Variants in KCNH1 observed in about 807,000 individuals in gnomAD.
The protein encoded by KCNH1 is potassium voltage-gated channel subfamily H member 1, also known as voltage-gated delayed rectifier potassium channel KCNH1.
Under a neutral mutation model 69.2 loss-of-function variants are expected in KCNH1, and 27 were observed. That is an observed-to-expected ratio of 0.39 (90% CI 0.29 to 0.54). The LOEUF is 0.54. KCNH1 is among the 20% of genes least tolerant of loss of function. The pLI is 0.68. For missense variants in KCNH1, 798 were observed against 1,261.6 expected (o/e 0.63, Z 5.57); for synonymous variants, 456 against 487.7 (o/e 0.93, Z 0.86).
intron 6 of KCNH1, among the ~76,000 whole-genome samples, chr1:211,011,766 C>T (rs1439264284): frequency 2.6e-5 from 4 of 152,204 alleles, no homozygotes; most frequent in South Asian, 2.1e-4. Context: ...GACTCCGGTG[C>T]GTGTGCAAGG....
chr1:210,824,159 AC>A (rs10578375), intron 7 of KCNH1, among the ~76,000 whole-genome samples: 1 of 151,366 alleles, frequency 6.6e-6, no homozygotes, highest in Non-Finnish European at 1.5e-5. Flanking sequence ...AGTAAATGTG[AC>A]CCCCCCTTAA....
chr1:211,065,621 T>C lies in KCNH1; in HGVS notation c.558+17159A>G, dbSNP rs112870821. On this transcript the variant is annotated intron_variant, in intron 5 of 10. Transcript: ENST00000271751. The stretch of plus-strand genomic sequence containing the variant: ...TTGTATCCTTAAAAATTGCTGAGAG[T>C]AGATTTTAAATGTTCTCCCCACACA... 5.0e-3 allele frequency among the ~76,000 whole-genome samples: 765 copies of C among 152,114 alleles called. 8 individuals carry two copies. The highest frequency in any genetic ancestry group is 0.018 in the African/African-American group (731 of 41,478).
chr1:211,010,399 A>T (rs1689372237), intron 6 of KCNH1, among the ~76,000 whole-genome samples: 1 of 152,180 alleles, frequency 6.6e-6, no homozygotes, highest in African/African-American at 2.4e-5. Flanking sequence ...ATGGAAGTCC[A>T]TGATGGCTTC....
At chr1:210,823,875 T>C (rs1574278298) in intron 7 of KCNH1, among the ~76,000 whole-genome samples, 1 of 152,216 alleles carries the variant, frequency 6.6e-6, no homozygotes, top group East Asian at 1.9e-4. Context: ...TTTTCACACC[T>C]CTCCCCTGTC....
intron 10 of KCNH1, among the ~76,000 whole-genome samples, chr1:210,730,161 C>T (rs1317480954): frequency 6.6e-6 from 1 of 152,160 alleles, no homozygotes; most frequent in African/African-American, 2.4e-5. Context: ...AGGACAGTGC[C>T]TGGCCCACAG....
At chr1:211,060,672 A>G (rs564959986) in intron 5 of KCNH1, among the ~76,000 whole-genome samples, 1 of 152,232 alleles carries the variant, frequency 6.6e-6, no homozygotes, top group South Asian at 2.1e-4. Flanking sequence ...ATTAGAAGCT[A>G]CTATGAGCAA....
intron 10 of KCNH1, among the ~76,000 whole-genome samples, chr1:210,739,564 G>A (rs1682967384): frequency 6.6e-6 from 1 of 152,202 alleles, no homozygotes; most frequent in Non-Finnish European, 1.5e-5. Flanking sequence ...CTGCTGGGCT[G>A]GTGCTGCAGT....
At chr1:211,092,065 T>C (rs1691062284) in intron 3 of KCNH1, among the ~76,000 whole-genome samples, 1 of 152,200 alleles carries the variant, frequency 6.6e-6, no homozygotes, top group African/African-American at 2.4e-5. Context: ...TTTATAACCA[T>C]TTGCAAATCA....
At chr1:210,748,952 G>C (rs188685924) in intron 10 of KCNH1, among the ~76,000 whole-genome samples, 232 of 152,278 alleles carry the variant, frequency 1.5e-3, no homozygotes, top group African/African-American at 4.7e-3. Flanking sequence ...CCTTCTGGCT[G>C]TTTCCTGTTC....
intron 7 of KCNH1, among the ~76,000 whole-genome samples, chr1:210,857,197 C>T (rs1299816326): frequency 1.3e-5 from 2 of 151,612 alleles, no homozygotes; most frequent in South Asian, 2.1e-4. Flanking sequence ...TTCACACCAG[C>T]GACTACACGT....
intron 7 of KCNH1, among the ~76,000 whole-genome samples, chr1:210,867,362 C>CACACATATAT (rs1491359165): frequency 1.6e-4 from 11 of 67,270 alleles, no homozygotes; most frequent in African/African-American, 3.8e-4. Context: ...CACACACACA[C>CACACATATAT]ATATATATAT....
At chr1:211,025,295 C>A (rs1689664445) in intron 5 of KCNH1, among the ~76,000 whole-genome samples, 1 of 152,154 alleles carries the variant, frequency 6.6e-6, no homozygotes, top group South Asian at 2.1e-4. Flanking sequence ...TAGCTGAATA[C>A]CCCTGTTTCC....
At chr1:210,691,984 T>A (rs1681537355) in intron 10 of KCNH1, among the ~76,000 whole-genome samples, 1 of 152,228 alleles carries the variant, frequency 6.6e-6, no homozygotes, top group African/African-American at 2.4e-5. Context: ...AATGCACAGA[T>A]GTCCCAGTGG....
chr1:211,095,065 C>T (rs1364219299), intron 3 of KCNH1, among the ~76,000 whole-genome samples: 1 of 152,146 alleles, frequency 6.6e-6, no homozygotes, highest in African/African-American at 2.4e-5. Flanking sequence ...GAGCTTGGGG[C>T]AAGTAGCCTA....
At chr1:210,804,609 T>G (rs544475842) in intron 7 of KCNH1, among the ~76,000 whole-genome samples, 1 of 152,330 alleles carries the variant, frequency 6.6e-6, no homozygotes, top group African/African-American at 2.4e-5. Context: ...GTGAATGAGC[T>G]TTATCAAGCT....
intron 6 of KCNH1, among the ~76,000 whole-genome samples, chr1:210,922,144 G>A (rs1034149682): frequency 2.0e-5 from 3 of 151,932 alleles, no homozygotes; most frequent in Admixed American, 6.6e-5. Context: ...CACTTTGGGA[G>A]GCCGAGGCGG....
intron 7 of KCNH1, among the ~76,000 whole-genome samples, chr1:210,825,283 T>C (rs1260674513): frequency 6.6e-6 from 1 of 152,196 alleles, no homozygotes; most frequent in African/African-American, 2.4e-5. Context: ...TGTATTTCAA[T>C]ATGCAGAAGT....
At chr1:211,005,019 G>A (rs548653285) in intron 6 of KCNH1, among the ~76,000 whole-genome samples, 26 of 152,022 alleles carry the variant, frequency 1.7e-4, no homozygotes, top group African/African-American at 5.8e-4. Context: ...ATTGTAGAGG[G>A]GGAAGAAAGA....
chr1:210,898,765 C>T (rs1454983087), intron 7 of KCNH1, among the ~76,000 whole-genome samples: 1 of 152,124 alleles, frequency 6.6e-6, no homozygotes, highest in Admixed American at 6.5e-5. Context: ...TAAGCGACTC[C>T]AAAATGCTCT....
Sources: allele counts gnomAD v4.1 joint callset (sites outside exome capture counted in the v4.1 genomes callset), GRCh38; gene constraint gnomAD v4.1.1; transcripts MANE v1.5; gene names NCBI Gene and HGNC (gene_info 2026-07-23, HGNC 2026-07-21).